The following DLG2 variants were observed in gnomAD, a reference collection of about 807,000 sequenced individuals.
DLG2 encodes the protein disks large homolog 2.
In DLG2, 45 loss-of-function variants were observed where a neutral mutation model predicts 132.5. The ratio of observed to expected loss-of-function variants is 0.34; its 90% CI spans 0.27 to 0.44. The LOEUF (loss-of-function observed/expected upper bound fraction) is 0.44, where lower values mean the gene tolerates loss of function less well. Ranked by LOEUF, DLG2 falls within the 20% of genes least tolerant of loss-of-function variation. DLG2 has a pLI of 1.00. For missense variants in DLG2, 1,045 were observed against 1,196.9 expected, an observed-to-expected ratio of 0.87 and a Z score of 1.87; for synonymous variants, 424 against 419.6, an observed-to-expected ratio of 1.01 and a Z score of -0.13.
At chr11:84,487,979 T>C (rs1325629263) in intron 7 of DLG2, among the ~76,000 whole-genome samples, 1 of 152,086 alleles carries the variant, frequency 6.6e-6, no homozygotes, top group East Asian at 1.9e-4. Context: ...AGAGGTAGAA[T>C]TGGATCAAAT....
At chr11:84,827,884 G>C (rs1288908574) in intron 6 of DLG2, among the ~76,000 whole-genome samples, 1 of 151,660 alleles carries the variant, frequency 6.6e-6, no homozygotes, top group Non-Finnish European at 1.5e-5. Flanking sequence ...TCACTTATTA[G>C]TGGGATCTAA....
chr11:83,977,647 G>A (rs2092391682), intron 12 of DLG2, among the ~76,000 whole-genome samples: 1 of 152,062 alleles, frequency 6.6e-6, no homozygotes, highest in Non-Finnish European at 1.5e-5. Flanking sequence ...CTAGGCTTAT[G>A]TCTTAATACT....
intron 7 of DLG2, among the ~76,000 whole-genome samples, chr11:84,338,577 C>T (rs1296716210): frequency 6.6e-6 from 1 of 152,166 alleles, no homozygotes; most frequent in African/African-American, 2.4e-5. Flanking sequence ...GTAATCCCAG[C>T]ACTTTGGGAG....
intron 6 of DLG2, among the ~76,000 whole-genome samples, chr11:84,783,641 A>G (rs2072247709): frequency 6.6e-6 from 1 of 152,154 alleles, no homozygotes; most frequent in South Asian, 2.1e-4. Flanking sequence ...TACATACAAT[A>G]TTTCACTGGA....
chr11:83,946,022 G>A (rs559372552), intron 14 of DLG2, among the ~76,000 whole-genome samples: 1 of 119,812 alleles, frequency 8.3e-6, no homozygotes, highest in Admixed American at 1.1e-4. Context: ...CAGAGTCTCA[G>A]TCTGTCTCCC....
At chr11:84,478,238 G>C (rs941703043) in intron 7 of DLG2, among the ~76,000 whole-genome samples, 2 of 152,118 alleles carry the variant, frequency 1.3e-5, no homozygotes, top group African/African-American at 4.8e-5. Flanking sequence ...GCCTGTTAGA[G>C]TCTTATATAA....
At chr11:84,490,645 T>C (rs1407905690) in intron 7 of DLG2, among the ~76,000 whole-genome samples, 1 of 123,460 alleles carries the variant, frequency 8.1e-6, no homozygotes, top group Non-Finnish European at 1.6e-5. Context: ...CACACATATA[T>C]GAGCAAAAAA....
chr11:84,949,383 G>C (rs114436409), intron 6 of DLG2, among the ~76,000 whole-genome samples: 266 of 152,306 alleles, frequency 1.7e-3, no homozygotes, highest in African/African-American at 6.1e-3. Flanking sequence ...ATGAAGTTGA[G>C]ACAGGGATTT....
At chr11:84,602,702 C>T (rs1278360319) in intron 6 of DLG2, among the ~76,000 whole-genome samples, 1 of 151,904 alleles carries the variant, frequency 6.6e-6, no homozygotes, top group Non-Finnish European at 1.5e-5. Context: ...CACCTTGGGG[C>T]TCTGGAATAT....
chr11:84,373,256 A>AAAC, intron 7 of DLG2, among the ~76,000 whole-genome samples: 1 of 85,586 alleles, frequency 1.2e-5, no homozygotes, highest in East Asian at 2.8e-4. Flanking sequence ...AGTCAAAAAA[A>AAAC]AAAAAAAACA....
chr11:85,034,029 A>C (rs1403382630), intron 6 of DLG2, among the ~76,000 whole-genome samples: 9 of 152,086 alleles, frequency 5.9e-5, no homozygotes, highest in African/African-American at 2.2e-4. Flanking sequence ...TTCTCCAGGA[A>C]AATGCAAGAA....
At chr11:85,144,078 T>A (rs2076676815) in intron 5 of DLG2, among the ~76,000 whole-genome samples, 1 of 151,866 alleles carries the variant, frequency 6.6e-6, no homozygotes, top group Admixed American at 6.6e-5. Context: ...TTAGCCTTAA[T>A]AATATTTGTT....
intron 6 of DLG2, among the ~76,000 whole-genome samples, chr11:85,096,228 C>T (rs1473690715): frequency 6.6e-6 from 1 of 152,184 alleles, no homozygotes; most frequent in East Asian, 1.9e-4. Flanking sequence ...CAGTGGCAAC[C>T]TGCTCGGGTC....
At chr11:84,783,371 T>C (rs892252857) in intron 6 of DLG2, among the ~76,000 whole-genome samples, 2 of 152,166 alleles carry the variant, frequency 1.3e-5, no homozygotes, top group African/African-American at 4.8e-5. Flanking sequence ...CATCACCCTG[T>C]GCCCCTTAAA....
chr11:83,744,117 T>C (rs1330501477), intron 18 of DLG2, among the ~76,000 whole-genome samples: 2 of 152,174 alleles, frequency 1.3e-5, no homozygotes, highest in African/African-American at 4.8e-5. Context: ...ACCAAGCTTA[T>C]CCAGAATTGA....
intron 9 of DLG2, among the ~76,000 whole-genome samples, chr11:84,113,300 A>G (rs979959978): frequency 6.6e-6 from 1 of 152,166 alleles, no homozygotes; most frequent in Non-Finnish European, 1.5e-5. Context: ...TATAGTGCAC[A>G]TGGTTTTCTA....
chr11:84,927,505 G>C (rs2047539884), intron 6 of DLG2, among the ~76,000 whole-genome samples: 1 of 151,946 alleles, frequency 6.6e-6, no homozygotes, highest in Admixed American at 6.6e-5. Flanking sequence ...CTGCCTTAGA[G>C]CATGGGTCAG....
chr11:84,263,278 T>C (rs2097570831), intron 7 of DLG2, among the ~76,000 whole-genome samples: 1 of 152,138 alleles, frequency 6.6e-6, no homozygotes. Context: ...TGATCTCTGT[T>C]TTTACCACTC....
intron 7 of DLG2, among the ~76,000 whole-genome samples, chr11:84,409,454 G>A (rs1253924827): frequency 2.0e-5 from 3 of 152,142 alleles, no homozygotes; most frequent in Non-Finnish European, 2.9e-5. Flanking sequence ...CGGTTATAGG[G>A]AAGGTAACAT....
Sources: allele counts gnomAD v4.1 joint callset (sites outside exome capture counted in the v4.1 genomes callset), GRCh38; gene constraint gnomAD v4.1.1; transcripts MANE v1.5; gene names NCBI Gene and HGNC (gene_info 2026-07-23, HGNC 2026-07-21).